The following CGNL1 variants were observed in gnomAD, a reference collection of about 807,000 sequenced individuals.
CGNL1 encodes the protein cingulin like 1, also known as cingulin-like protein 1.
Under a neutral mutation model 141.2 loss-of-function variants are expected in CGNL1, and 132 were observed. The ratio of observed to expected loss-of-function variants is 0.93; its 90% CI spans 0.81 to 1.08. CGNL1 has a LOEUF of 1.08. CGNL1 is among the 50% of genes least tolerant of loss of function. The pLI, the probability that CGNL1 is intolerant of heterozygous loss-of-function variation, is 0.00. For synonymous variants in CGNL1, 690 were observed against 622.1 expected, an observed-to-expected ratio of 1.11 and a Z score of -1.63; for missense variants, 1,870 against 1,588.6, an observed-to-expected ratio of 1.18 and a Z score of -3.01.
chr15:57,517,118 T>C, intron 9 of CGNL1, 132 bp downstream of exon 9: 1 of 844,432 alleles, frequency 1.2e-6, no homozygotes, highest in South Asian at 1.7e-5. Context: ...AGTGAATACA[T>C]CCTCTCTGCA....
chr15:57,503,740 A>G (rs2064060717), intron 8 of CGNL1, among the ~76,000 whole-genome samples: 1 of 152,170 alleles, frequency 6.6e-6, no homozygotes, highest in Non-Finnish European at 1.5e-5. Flanking sequence ...CACATTTTAC[A>G]TGGGGCGGCA....
In CGNL1 at chr15:57,470,180, G is replaced by A. The variant is rs550606871; in HGVS notation, c.2403+8288G>A. Among the ~76,000 whole-genome samples the A allele has an allele frequency of 1.0e-4, 15 of 149,862 alleles. No homozygotes were observed. In the South Asian group the frequency reaches 3.2e-3, roughly 32 times the overall value. ...CCACAGACTCAAGCCTGCCTAGAGT[G>A]ACATGGAACTTTCCATAGGCAAAAG... On this transcript the variant is annotated intron_variant, in intron 8 of 18. Transcript: ENST00000281282.
chr15:57,486,989 G>C (rs1595755602), intron 8 of CGNL1, among the ~76,000 whole-genome samples: 2 of 152,294 alleles, frequency 1.3e-5, no homozygotes, highest in East Asian at 3.9e-4. Flanking sequence ...GTATTATGTA[G>C]ATTATCTACT....
chr15:57,430,661 C>T (rs1335877444), intron 1 of CGNL1, among the ~76,000 whole-genome samples: 1 of 152,160 alleles, frequency 6.6e-6, no homozygotes, highest in Non-Finnish European at 1.5e-5. Flanking sequence ...GGGAGAGCCA[C>T]TTGGTGCCCA....
chr15:57,446,032 T>TA (rs1425650019), intron 4 of CGNL1, among the ~76,000 whole-genome samples: 2 of 152,200 alleles, frequency 1.3e-5, no homozygotes, highest in Admixed American at 6.5e-5. Context: ...GCATACAGGC[T>TA]ATGCAGAGAG....
At chr15:57,392,603 C>G (rs183653633) in intron 1 of CGNL1, among the ~76,000 whole-genome samples, 2 of 152,322 alleles carry the variant, frequency 1.3e-5, no homozygotes, top group East Asian at 3.9e-4. Flanking sequence ...CTCCCAGAAT[C>G]TAATTCATTG....
intron 1 of CGNL1, among the ~76,000 whole-genome samples, chr15:57,402,902 G>A (rs1179798239): frequency 6.6e-6 from 1 of 152,160 alleles, no homozygotes; most frequent in Non-Finnish European, 1.5e-5. Flanking sequence ...CTACAGGCTT[G>A]AATCATTTTG....
chr15:57,475,492 GGT>G (rs72168222), intron 8 of CGNL1, among the ~76,000 whole-genome samples: 3,109 of 147,870 alleles, frequency 0.021, 91 homozygotes, highest in African/African-American at 0.068. Flanking sequence ...ATACAAGTGT[GGT>G]GTGTGTGTGT....
intron 8 of CGNL1, among the ~76,000 whole-genome samples, chr15:57,501,150 TG>T (rs1404097008): frequency 6.6e-6 from 1 of 151,962 alleles, no homozygotes; most frequent in Non-Finnish European, 1.5e-5. Context: ...GGGCACAGAG[TG>T]GGATGGAGGC....
intron 8 of CGNL1, among the ~76,000 whole-genome samples, chr15:57,469,670 A>G (rs1184770419): frequency 1.3e-5 from 2 of 152,126 alleles, no homozygotes; most frequent in African/African-American, 4.8e-5. Context: ...TCTAACCCTT[A>G]TAAGAATTTT....
intron 4 of CGNL1, among the ~76,000 whole-genome samples, chr15:57,447,487 C>T (rs563246088): frequency 6.6e-6 from 1 of 152,200 alleles, no homozygotes; most frequent in African/African-American, 2.4e-5. Context: ...AGCCAGCCAT[C>T]ATTCTTAGTG....
intron 1 of CGNL1, among the ~76,000 whole-genome samples, chr15:57,412,332 T>A (rs2062798723): frequency 6.6e-6 from 1 of 152,228 alleles, no homozygotes; most frequent in Non-Finnish European, 1.5e-5. Flanking sequence ...TCAGATAAGA[T>A]CTGGAGAAAA....
chr15:57,478,630 A>C (rs1422848605), intron 8 of CGNL1, among the ~76,000 whole-genome samples: 16 of 152,156 alleles, frequency 1.1e-4, no homozygotes, highest in African/African-American at 3.9e-4. Context: ...GTGAAAGGAT[A>C]CATGGTGACC....
intron 6 of CGNL1, among the ~76,000 whole-genome samples, 189 bp downstream of exon 6, chr15:57,452,478 T>G (rs2063333631): frequency 6.6e-6 from 1 of 152,186 alleles, no homozygotes; most frequent in African/African-American, 2.4e-5. Flanking sequence ...AACAAAAAGG[T>G]TAGTAATTCT....
chr15:57,487,065 A>G (rs2063794814), intron 8 of CGNL1, among the ~76,000 whole-genome samples: 1 of 152,208 alleles, frequency 6.6e-6, no homozygotes, highest in Non-Finnish European at 1.5e-5. Flanking sequence ...TTCTAAGTGT[A>G]CAAACTTAAA....
Position 57,439,387 on chromosome 15 carries a change from A to T in CGNL1, c.1388A>T (p.Gln463Leu). The change falls in exon 2 of 19, where the codon CAG becomes CTG. Residue 463 changes from glutamine (Q) to leucine (L), a missense_variant. By Grantham distance (113) the Gln-to-Leu change is moderately radical. Coordinates refer to ENST00000281282, the MANE Select transcript of CGNL1 (RefSeq NM_032866.5). ...TCATGTGCCCACTCCAGGCCTCCCC[A>T]GCCGAACATAGATGGGAAAGTTCTG... ...GASCAHSRPP[Q>L]PNIDGKVLET... The T allele has an allele frequency of 6.2e-7, 1 of 1,614,192 alleles. No homozygotes were observed. Among genetic ancestry groups the T allele is most frequent in the Non-Finnish European group, 8.5e-7 (1 of 1,180,026 alleles).
intron 1 of CGNL1, among the ~76,000 whole-genome samples, chr15:57,433,631 A>G (rs1390168786): frequency 1.3e-5 from 2 of 152,206 alleles, no homozygotes; most frequent in African/African-American, 4.8e-5. Context: ...TATTAAAACC[A>G]GCATAATTAG....
At chr15:57,515,704 C>T (rs2030719812) in intron 8 of CGNL1, among the ~76,000 whole-genome samples, 1 of 152,172 alleles carries the variant, frequency 6.6e-6, no homozygotes, top group African/African-American at 2.4e-5. Context: ...TCAACAATAA[C>T]CACCCTGAGA....
At chr15:57,512,725 G>C (rs1220775841) in intron 8 of CGNL1, among the ~76,000 whole-genome samples, 1 of 152,112 alleles carries the variant, frequency 6.6e-6, no homozygotes, top group Admixed American at 6.6e-5. Context: ...AATCAGGTCT[G>C]GTTTTCAGTA....
Sources: allele counts gnomAD v4.1 joint callset (sites outside exome capture counted in the v4.1 genomes callset), GRCh38; gene constraint gnomAD v4.1.1; transcripts MANE v1.5; gene names NCBI Gene and HGNC (gene_info 2026-07-23, HGNC 2026-07-21).